Variants in CNRIP1 observed in about 807,000 individuals in gnomAD.
CNRIP1 encodes the protein CB1 cannabinoid receptor-interacting protein 1.
Under a neutral mutation model 15.2 loss-of-function variants are expected in CNRIP1, and 10 were observed. That is an observed-to-expected ratio of 0.66 (90% CI 0.41 to 1.12). The LOEUF is 1.12. Ranked by LOEUF, CNRIP1 falls within the 50% of genes most tolerant of loss-of-function variation. The pLI is 0.00. For synonymous variants in CNRIP1, 91 were observed against 83.2 expected, an observed-to-expected ratio of 1.09 and a Z score of -0.51; for missense variants, 211 against 214.7, an observed-to-expected ratio of 0.98 and a Z score of 0.11.
chr2:68,289,443 T>C (rs1207635313), downstream of CNRIP1, among the ~76,000 whole-genome samples: 6 of 152,198 alleles, frequency 3.9e-5, no homozygotes, highest in Admixed American at 6.5e-5. Flanking sequence ...TCTCTTGGCA[T>C]TTTAAATAAT....
At chr2:68,302,845 CTTTTTTT>C (rs1214086385) in intron 2 of CNRIP1, among the ~76,000 whole-genome samples, 2 of 126,278 alleles carry the variant, frequency 1.6e-5, no homozygotes, top group East Asian at 2.2e-4. Context: ...ATTTGAAAAA[CTTTTTTT>C]TTTTTTTTTT....
chr2:68,310,446 T>A (rs1573032332), intron 2 of CNRIP1, among the ~76,000 whole-genome samples: 2 of 152,114 alleles, frequency 1.3e-5, no homozygotes, highest in Admixed American at 1.3e-4. Flanking sequence ...ACTGCTAAGC[T>A]CCATGGGCAC....
chr2:68,305,171 GA>G (rs1313304489), intron 2 of CNRIP1, among the ~76,000 whole-genome samples: 2 of 151,044 alleles, frequency 1.3e-5, no homozygotes, highest in African/African-American at 4.9e-5. Flanking sequence ...TTGAACCCGG[GA>G]GGCAGAGGTT....
At chr2:68,306,651 G>A (rs1444922790) in intron 2 of CNRIP1, among the ~76,000 whole-genome samples, 2 of 151,770 alleles carry the variant, frequency 1.3e-5, no homozygotes, top group Non-Finnish European at 1.5e-5. Context: ...CGTGGTGGCG[G>A]GTGCCTGTAA....
chr2:68,305,252 AAAAAAAAAT>A (rs1456101297), intron 2 of CNRIP1, among the ~76,000 whole-genome samples: 2 of 47,890 alleles, frequency 4.2e-5, no homozygotes, highest in Admixed American at 3.2e-4. Context: ...CTCAAAAAAA[AAAAAAAAAT>A]ATATATATAT....
At chr2:68,312,228 A>C (rs902513169) in intron 2 of CNRIP1, among the ~76,000 whole-genome samples, 13 of 152,200 alleles carry the variant, frequency 8.5e-5, no homozygotes, top group Admixed American at 7.2e-4. Context: ...AATCCTTAAC[A>C]AAATATTAAT....
intron 2 of CNRIP1, among the ~76,000 whole-genome samples, chr2:68,308,010 T>C (rs531741399): frequency 3.9e-4 from 60 of 152,082 alleles, no homozygotes; most frequent in African/African-American, 1.1e-3. Flanking sequence ...CTGGGCAACA[T>C]AGTGAGACTC....
downstream of CNRIP1, among the ~76,000 whole-genome samples, chr2:68,289,183 TTTCTGA>T (rs1431455772): frequency 6.6e-6 from 1 of 152,176 alleles, no homozygotes; most frequent in African/African-American, 2.4e-5. Context: ...AATCTTAAGT[TTTCTGA>T]TTCTGTCTTG....
At chr2:68,317,697 C>A (rs1051207451) in intron 1 of CNRIP1, among the ~76,000 whole-genome samples, 1 of 152,118 alleles carries the variant, frequency 6.6e-6, no homozygotes, top group African/African-American at 2.4e-5. Context: ...ATCAGAAATT[C>A]TCACTGGCAT....
At position 68,319,381 on chromosome 2, in the gene CNRIP1, A is replaced by T; in HGVS notation, c.20T>A (p.Leu7His). The change falls in exon 1 of 3, where the codon CTC (leucine) becomes CAC (histidine). Residue 7 changes from leucine (L) to histidine (H), a missense_variant. Coordinates refer to ENST00000263655, the MANE Select transcript of CNRIP1 (RefSeq NM_015463.3). ...GCGCAGCGCGATGGAGAGGCGCACG[A>T]GGCCCGGCAGGTCCCCCATGTCTGG... The part of the protein sequence containing the change: MGDLPG[L>H]VRLSIALRIQ... The T allele has an allele frequency of 6.3e-7, 1 of 1,580,804 alleles. No homozygotes were observed. Among genetic ancestry groups the T allele is most frequent in the South Asian group, 1.1e-5 (1 of 87,750 alleles).
At chr2:68,297,122 A>G (rs1671397075) in intron 2 of CNRIP1, among the ~76,000 whole-genome samples, 1 of 152,008 alleles carries the variant, frequency 6.6e-6, no homozygotes, top group Non-Finnish European at 1.5e-5. Flanking sequence ...ACTTTACCAG[A>G]AAAAAAATTA....
At chr2:68,297,441 G>A (rs1283856149) in intron 2 of CNRIP1, among the ~76,000 whole-genome samples, 2 of 151,882 alleles carry the variant, frequency 1.3e-5, no homozygotes, top group Non-Finnish European at 2.9e-5. Flanking sequence ...GGGAGTGTGT[G>A]TCTGTAGTCC....
intron 2 of CNRIP1, among the ~76,000 whole-genome samples, chr2:68,295,607 A>C (rs1671322251): frequency 6.6e-6 from 1 of 152,220 alleles, no homozygotes; most frequent in Non-Finnish European, 1.5e-5. Flanking sequence ...ACAGGGATGG[A>C]TCTCAAAGAC....
intron 2 of CNRIP1, among the ~76,000 whole-genome samples, chr2:68,311,693 T>A (rs1672078402): frequency 6.9e-6 from 1 of 144,848 alleles, no homozygotes; most frequent in Non-Finnish European, 1.5e-5. Context: ...GAGAATTGCC[T>A]GAATCTGGGA....
At position 68,302,907 on chromosome 2, in the gene CNRIP1, T is replaced by C. The variant is rs373082349; in HGVS notation, c.331-8881A>G. Among the ~76,000 whole-genome samples, 1,074 of 146,392 alleles carry C rather than the reference T, an allele frequency of 7.3e-3. 18 individuals are homozygous for C. Among genetic ancestry groups the C allele is most frequent in the African/African-American group, 0.025 (958 of 38,932 alleles). On this transcript the variant is annotated intron_variant, in intron 2 of 2. Coordinates refer to ENST00000263655, the MANE Select transcript of CNRIP1 (RefSeq NM_015463.3). ...TGTCGCCCAGGCTGGAGTGCAGTGG[T>C]GCGATCTCGGCTCACTGCAGGCTCC...
chr2:68,293,349 G>A lies in CNRIP1; in HGVS notation c.*513C>T. 1 of 986,536 alleles carries A rather than the reference G, an allele frequency of 1.0e-6. No homozygotes were observed. Among genetic ancestry groups the A allele is most frequent in the South Asian group, 4.7e-5 (1 of 21,352 alleles). 61.1% of individuals were successfully genotyped at this position (986,536 alleles called of 1,614,324 possible). On this transcript the variant is annotated 3_prime_UTR_variant, in exon 3 of 3. Coordinates refer to ENST00000263655, the MANE Select transcript of CNRIP1 (RefSeq NM_015463.3). The stretch of plus-strand genomic sequence containing the variant: ...TGTTTATAGGAAGCACAACATTTGA[G>A]TCCCATTCACTGCTGTTTGTATTAC...
chr2:68,313,536 TCAA>T (rs902879545), intron 2 of CNRIP1, among the ~76,000 whole-genome samples: 4 of 152,132 alleles, frequency 2.6e-5, no homozygotes, highest in Non-Finnish European at 1.5e-5. Context: ...TAGGTGAATC[TCAA>T]CATTATACTA....
At chr2:68,295,938 G>A (rs1041597683) in intron 2 of CNRIP1, among the ~76,000 whole-genome samples, 28 of 152,144 alleles carry the variant, frequency 1.8e-4, no homozygotes, top group Admixed American at 2.6e-4. Flanking sequence ...TTTTTAGTGA[G>A]CTATAAGAAA....
At chr2:68,306,091 A>G (rs973709400) in intron 2 of CNRIP1, among the ~76,000 whole-genome samples, 8 of 128,326 alleles carry the variant, frequency 6.2e-5, no homozygotes, top group Admixed American at 5.7e-4. Context: ...ATGCCACTTC[A>G]TTGCAGCCTG....
Sources: allele counts gnomAD v4.1 joint callset (sites outside exome capture counted in the v4.1 genomes callset), GRCh38; gene constraint gnomAD v4.1.1; transcripts MANE v1.5; gene names NCBI Gene and HGNC (gene_info 2026-07-23, HGNC 2026-07-21).